MPPED2: variants seen among roughly 807,000 people sequenced by gnomAD.
The protein encoded by MPPED2 is metallophosphoesterase MPPED2.
Under a neutral mutation model 33.0 loss-of-function variants are expected in MPPED2, and 5 were observed. That is an observed-to-expected ratio of 0.15 (90% CI 0.08 to 0.32). The LOEUF is 0.32. Ranked by LOEUF, MPPED2 falls within the 10% of genes least tolerant of loss-of-function variation. The probability of loss-of-function intolerance (pLI) is 1.00; values close to 1 mark genes in which losing one functional copy is unlikely to be tolerated. For synonymous variants in MPPED2, 136 were observed against 141.9 expected, an observed-to-expected ratio of 0.96 and a Z score of 0.29; for missense variants, 275 against 372.1, an observed-to-expected ratio of 0.74 and a Z score of 2.15.
At position 30,481,339 on chromosome 11, in the gene MPPED2, T is replaced by C. The variant is rs535630844; in HGVS notation, c.536+13957A>G. Among the ~76,000 whole-genome samples the C allele has an allele frequency of 2.0e-5, 3 of 152,220 alleles. No individual in the cohort carries two copies. In the South Asian group the frequency reaches 6.2e-4, roughly 32 times the overall value. On this transcript the variant is annotated intron_variant, in intron 4 of 6. Transcript: ENST00000358117. ...TCACTCTACAACTCCACACTAGCATTTTCCTGTTGTCTTTTCAAACAGTAT... is the reference window on the plus strand; with the variant it reads ...TCACTCTACAACTCCACACTAGCATCTTCCTGTTGTCTTTTCAAACAGTAT...
chr11:30,522,221 G>A (rs1953911223), intron 3 of MPPED2, among the ~76,000 whole-genome samples: 1 of 151,916 alleles, frequency 6.6e-6, no homozygotes, highest in Admixed American at 6.6e-5. Context: ...ATATGAAAAA[G>A]GTCTATAGAT....
chr11:30,531,791 G>A (rs1954540834), intron 3 of MPPED2, among the ~76,000 whole-genome samples: 1 of 152,212 alleles, frequency 6.6e-6, no homozygotes, highest in Admixed American at 6.5e-5. Context: ...ACGTAGAGAG[G>A]CTGTGCCACA....
At chr11:30,419,260 G>T (rs950975724) in intron 4 of MPPED2, among the ~76,000 whole-genome samples, 1 of 152,164 alleles carries the variant, frequency 6.6e-6, no homozygotes, top group African/African-American at 2.4e-5. Context: ...GCACAGAGAG[G>T]TTAGGTAAAC....
At chr11:30,424,921 C>G (rs1319616864) in intron 4 of MPPED2, among the ~76,000 whole-genome samples, 1 of 152,198 alleles carries the variant, frequency 6.6e-6, no homozygotes, top group East Asian at 1.9e-4. Context: ...GATTTCCACC[C>G]CTTTGCAGCT....
chr11:30,432,441 C>T (rs1322648294), intron 4 of MPPED2, among the ~76,000 whole-genome samples: 3 of 134,892 alleles, frequency 2.2e-5, no homozygotes, highest in Admixed American at 2.1e-4. Context: ...TTATAGTTTA[C>T]TTCTTTATAG....
At chr11:30,560,643 C>T (rs1468246731) in intron 2 of MPPED2, among the ~76,000 whole-genome samples, 1 of 152,190 alleles carries the variant, frequency 6.6e-6, no homozygotes, top group Non-Finnish European at 1.5e-5. Context: ...CACCCTAATA[C>T]TAACTCAAGA....
chr11:30,530,587 A>G (rs1954467407), intron 3 of MPPED2, among the ~76,000 whole-genome samples: 1 of 152,236 alleles, frequency 6.6e-6, no homozygotes, highest in South Asian at 2.1e-4. Context: ...AAGTGGGAAC[A>G]GCGTTTTCAA....
intron 4 of MPPED2, among the ~76,000 whole-genome samples, chr11:30,460,634 G>C (rs868828172): frequency 2.6e-5 from 4 of 151,960 alleles, no homozygotes; most frequent in African/African-American, 9.7e-5. Context: ...AAAAAATAAA[G>C]ACATTAAATA....
chr11:30,585,408 G>A (rs1590959090), intron 1 of MPPED2, among the ~76,000 whole-genome samples: 1 of 151,888 alleles, frequency 6.6e-6, no homozygotes, highest in East Asian at 2.0e-4. Context: ...GGCGGCCGCG[G>A]GGCGCAGCCG....
chr11:30,414,539 G>T (rs974741604), intron 5 of MPPED2, among the ~76,000 whole-genome samples, 198 bp from the exon 6 acceptor site: 8 of 145,182 alleles, frequency 5.5e-5, no homozygotes, highest in Admixed American at 2.7e-4. Flanking sequence ...ATTTTTTTTT[G>T]GTTTCCATTT....
At chr11:30,385,553 C>A (rs977235202) in exon 7 of MPPED2, 2 of 151,662 alleles carry the variant, frequency 1.3e-5, no homozygotes, top group African/African-American at 2.4e-5. Flanking sequence ...ATTGACCACC[C>A]CCACCCCCGC....
chr11:30,410,160 A>G, downstream of MPPED2: 1 of 985,454 alleles, frequency 1.0e-6, no homozygotes, highest in Non-Finnish European at 1.2e-6. Context: ...GCATATGAAT[A>G]AATCCCTCCT....
chr11:30,409,972 A>T, downstream of MPPED2: 1 of 481,166 alleles, frequency 2.1e-6, no homozygotes, highest in Non-Finnish European at 2.7e-6. Context: ...TGTAGAAATT[A>T]CAACAGCCAA....
At chr11:30,408,448 A>G (rs1948024533), downstream of MPPED2, among the ~76,000 whole-genome samples, 4 of 152,256 alleles carry the variant, frequency 2.6e-5, no homozygotes, top group Admixed American at 1.3e-4. Flanking sequence ...AGTAGCTGGG[A>G]TTACAGGCAT....
intron 4 of MPPED2, among the ~76,000 whole-genome samples, chr11:30,461,831 A>T (rs1376379413): frequency 6.6e-6 from 1 of 152,174 alleles, no homozygotes; most frequent in Non-Finnish European, 1.5e-5. Context: ...GTCTAATCTT[A>T]TTTCAGATTC....
chr11:30,494,737 C>CAAAAAAAAAAAAAAAAAAAAAAAAAA (rs767500886), intron 4 of MPPED2, among the ~76,000 whole-genome samples: 5 of 47,610 alleles, frequency 1.1e-4, no homozygotes, highest in African/African-American at 1.4e-4. Flanking sequence ...TACTCCACCT[C>CAAAAAAAAAAAAAAAAAAAAAAAAAA]AAAAAAAAAA....
At chr11:30,526,937 C>T (rs1299231195) in intron 3 of MPPED2, among the ~76,000 whole-genome samples, 1 of 151,372 alleles carries the variant, frequency 6.6e-6, no homozygotes, top group African/African-American at 2.4e-5. Flanking sequence ...TGGAGTCTCC[C>T]TCTGTCGCCC....
chr11:30,573,052 G>A (rs138111933), intron 2 of MPPED2, among the ~76,000 whole-genome samples: 1 of 152,222 alleles, frequency 6.6e-6, no homozygotes, highest in Non-Finnish European at 1.5e-5. Flanking sequence ...TCCCTGAAAC[G>A]CTATCAAGAA....
rs977909963 is a variant in MPPED2, at chr11:30,586,029, C to G, written c.-122+13G>C. On this transcript the variant is annotated intron_variant, in intron 1 of 6. Coordinates refer to ENST00000358117, the MANE Select transcript of MPPED2 (RefSeq NM_001584.3). This position sits in a 1 kb window ranked among gnomAD's most constrained non-coding sequence, Gnocchi z 4.8. The stretch of plus-strand genomic sequence containing the variant: ...CTCCCCCGCCCTCCGCCTCCCTTCC[C>G]GGGGCGGATTACCTTTCCCGGGCTG... 1 of 152,436 alleles carries G rather than the reference C, an allele frequency of 6.6e-6. No homozygotes were observed. Among genetic ancestry groups the G allele is most frequent in the Non-Finnish European group, 1.5e-5 (1 of 68,264 alleles). 9.4% of individuals were successfully genotyped at this position (152,436 alleles called of 1,614,324 possible).
Sources: gnomAD v4.1 joint callset for allele counts (sites outside exome capture counted in the v4.1 genomes callset) on GRCh38, gnomAD v4.1.1 for gene constraint, Gnocchi (gnomAD v3.1) non-coding constraint, MANE v1.5 for transcripts, NCBI Gene and HGNC (gene_info 2026-07-23, HGNC 2026-07-21) for gene names.